PKIG: variants seen among roughly 807,000 people sequenced by gnomAD.
PKIG encodes protein kinase (cAMP-dependent, catalytic) inhibitor gamma.
Under a neutral mutation model 6.8 loss-of-function variants are expected in PKIG, and 1 was observed. The observed-to-expected ratio is 0.15, with a 90% CI of 0.05 to 0.69. The LOEUF is 0.69. PKIG is among the 30% of genes least tolerant of loss of function. The probability of loss-of-function intolerance (pLI) is 0.82; values close to 1 mark genes in which losing one functional copy is unlikely to be tolerated. For missense variants in PKIG, 77 were observed against 104.0 expected (o/e 0.74, Z 1.13); for synonymous variants, 39 against 43.0 (o/e 0.91, Z 0.36).
chr20:44,580,422 T>C (rs2123334498), upstream of PKIG, among the ~76,000 whole-genome samples: 1 of 152,186 alleles, frequency 6.6e-6, no homozygotes, highest in Admixed American at 6.5e-5. Flanking sequence ...CTCGGCTCAC[T>C]GCAACCTCCA....
At chr20:44,604,512 T>A (rs572446953) in intron 2 of PKIG, among the ~76,000 whole-genome samples, 1 of 152,320 alleles carries the variant, frequency 6.6e-6, no homozygotes, top group Non-Finnish European at 1.5e-5. Flanking sequence ...TAAGGAGATA[T>A]ACAAGTAGTC....
At chr20:44,612,018 A>G (rs2065224540) in intron 2 of PKIG, among the ~76,000 whole-genome samples, 1 of 152,078 alleles carries the variant, frequency 6.6e-6, no homozygotes. Flanking sequence ...CCATTCAATC[A>G]TGTTGGACAT....
intron 1 of PKIG, among the ~76,000 whole-genome samples, chr20:44,547,801 A>G (rs2064629611): frequency 6.6e-6 from 1 of 152,112 alleles, no homozygotes; most frequent in South Asian, 2.1e-4. Context: ...TTGGGAGGCC[A>G]AGGTGGGCGG....
upstream of PKIG, among the ~76,000 whole-genome samples, chr20:44,578,125 G>GGT (rs773507924): frequency 3.9e-5 from 6 of 151,948 alleles, no homozygotes; most frequent in Non-Finnish European, 7.4e-5. Context: ...CGGATCACGA[G>GGT]GTCGGGAGAT....
At chr20:44,562,402 G>A (rs112469835) in intron 1 of PKIG, among the ~76,000 whole-genome samples, 10,321 of 150,726 alleles carry the variant, frequency 0.068, 381 homozygotes, top group South Asian at 0.15. Flanking sequence ...CTTGAGCTCC[G>A]GAGTTTGAGA....
At chr20:44,549,877 G>A (rs192037881) in intron 1 of PKIG, among the ~76,000 whole-genome samples, 1 of 152,114 alleles carries the variant, frequency 6.6e-6, no homozygotes, top group East Asian at 1.9e-4. Context: ...TTGGATTTTT[G>A]TAATTATAGG....
intron 2 of PKIG, among the ~76,000 whole-genome samples, chr20:44,601,170 C>T (rs563632957): frequency 1.0e-3 from 158 of 152,282 alleles, no homozygotes; most frequent in African/African-American, 3.5e-3. Context: ...GGATAGGCAC[C>T]GTAGAAGTCA....
rs776395849 is a variant in PKIG at position 44,589,410 on chromosome 20, T to TCAA, written c.-93-387_-93-386insCAA. On this transcript the variant is annotated intron_variant, in intron 1 of 3. Coordinates refer to ENST00000372886, the MANE Select transcript of PKIG (RefSeq NM_001281445.2). Reference sequence around the variant, plus strand: ...AATATATGCAATTTTACAATATGCTTTTTAACAATCAAGCATGTACTTTTT... The same window carrying TCAA: ...AATATATGCAATTTTACAATATGCTTCAATTTAACAATCAAGCATGTACTTTTT... 2.1e-3 allele frequency among the ~76,000 whole-genome samples: 324 copies of TCAA among 152,346 alleles called. 1 individual carries two copies. Among genetic ancestry groups the TCAA allele is most frequent in the Non-Finnish European group, 3.4e-3 (233 of 68,020 alleles).
chr20:44,579,298 G>T (rs1210181524), upstream of PKIG, among the ~76,000 whole-genome samples: 2 of 152,206 alleles, frequency 1.3e-5, no homozygotes, highest in African/African-American at 4.8e-5. Flanking sequence ...TCTAAACTGG[G>T]GGTAAAAGGT....
At chr20:44,575,104 T>C (rs1216682884) in intron 1 of PKIG, among the ~76,000 whole-genome samples, 1 of 152,106 alleles carries the variant, frequency 6.6e-6, no homozygotes, top group Non-Finnish European at 1.5e-5. Flanking sequence ...CAGGCTGGAG[T>C]GCAGTGGCAC....
upstream of PKIG, among the ~76,000 whole-genome samples, chr20:44,582,086 C>T (rs1478768274): frequency 6.6e-6 from 1 of 152,132 alleles, no homozygotes; most frequent in African/African-American, 2.4e-5. Context: ...ATCACCTCCC[C>T]TACATGAAGG....
intron 1 of PKIG, among the ~76,000 whole-genome samples, chr20:44,543,510 TA>T (rs138784648): frequency 8.9e-4 from 136 of 152,336 alleles, no homozygotes; most frequent in African/African-American, 3.2e-3. Flanking sequence ...AATATTTGCA[TA>T]ACTCTCAGCA....
upstream of PKIG, chr20:44,531,894 C>A (rs970853129): frequency 6.6e-6 from 1 of 152,460 alleles, no homozygotes; most frequent in Non-Finnish European, 1.5e-5. Context: ...GGCTCCGCTG[C>A]GGGTTGCGGG....
intron 1 of PKIG, among the ~76,000 whole-genome samples, chr20:44,535,421 A>T (rs146247934): frequency 3.1e-4 from 47 of 152,360 alleles, no homozygotes; most frequent in African/African-American, 1.1e-3. Flanking sequence ...CGGGCAGATT[A>T]TCTGAGGTGA....
chr20:44,616,469 G>A (rs919168936), intron 3 of PKIG, among the ~76,000 whole-genome samples: 4 of 152,178 alleles, frequency 2.6e-5, no homozygotes, highest in Non-Finnish European at 5.9e-5. Context: ...AGGCTTCTGT[G>A]TCCTCACCCT....
At chr20:44,547,939 A>T (rs906288065) in intron 1 of PKIG, among the ~76,000 whole-genome samples, 2 of 152,080 alleles carry the variant, frequency 1.3e-5, no homozygotes, top group African/African-American at 4.8e-5. Flanking sequence ...GCACTTTGAG[A>T]GGCTGAGGCA....
At chr20:44,535,641 C>CA (rs1198877443) in intron 1 of PKIG, among the ~76,000 whole-genome samples, 1 of 150,770 alleles carries the variant, frequency 6.6e-6, no homozygotes, top group South Asian at 2.1e-4. Context: ...AACTCCATCT[C>CA]AAAAAAAAGG....
rs1262636615 is a variant in PKIG, at chr20:44,532,104, C to T, written c.-241+126C>T. Reference sequence around the variant, plus strand: ...GGGAGGCTGCGGCCCGATCTTTGTCCCTCAGCCGCGCCGGGGACGGCGCCC... The same window carrying T: ...GGGAGGCTGCGGCCCGATCTTTGTCTCTCAGCCGCGCCGGGGACGGCGCCC... On this transcript the variant is annotated intron_variant, in intron 1 of 4. Coordinates refer to the PKIG transcript ENST00000372887. 2.0e-5 allele frequency: 3 copies of T among 152,350 alleles called. No individual in the cohort carries two copies. The East Asian group carries it at 5.8e-4, about 29-fold the overall frequency. 9.4% of individuals were successfully genotyped at this position (152,350 alleles called of 1,614,324 possible).
intron 1 of PKIG, among the ~76,000 whole-genome samples, chr20:44,546,715 G>A (rs1164533178): frequency 6.6e-6 from 1 of 151,922 alleles, no homozygotes; most frequent in Non-Finnish European, 1.5e-5. Flanking sequence ...ACCACTCCCG[G>A]CTAATTTTTG....
Sources: allele counts gnomAD v4.1 joint callset (sites outside exome capture counted in the v4.1 genomes callset), GRCh38; gene constraint gnomAD v4.1.1; transcripts MANE v1.5; gene names NCBI Gene and HGNC (gene_info 2026-07-23, HGNC 2026-07-21).